The following CRACDL variants were observed in gnomAD, a reference collection of about 807,000 sequenced individuals.
CRACDL encodes CRACD-like protein.
A neutral mutation model predicts 70.6 loss-of-function variants in CRACDL; 26 were observed. The ratio of observed to expected loss-of-function variants is 0.37; its 90% confidence interval spans 0.27 to 0.51. The LOEUF is 0.51. Ranked by LOEUF, CRACDL falls within the 20% of genes least tolerant of loss-of-function variation. The probability of loss-of-function intolerance (pLI) is 0.94; values close to 1 mark genes in which losing one functional copy is unlikely to be tolerated. For synonymous variants in CRACDL, 618 were observed against 615.2 expected, an observed-to-expected ratio of 1.00 and a Z score of -0.07; for missense variants, 1,283 against 1,376.9, an observed-to-expected ratio of 0.93 and a Z score of 1.08.
chr2:98,852,151 GA>G (rs1706506678), intron 1 of CRACDL, among the ~76,000 whole-genome samples: 1 of 152,030 alleles, frequency 6.6e-6, no homozygotes, highest in Non-Finnish European at 1.5e-5. Flanking sequence ...TCTTAGGAAG[GA>G]AAAAACTTCA....
At chr2:98,874,728 A>G (rs1462026853) in intron 1 of CRACDL, among the ~76,000 whole-genome samples, 1 of 152,202 alleles carries the variant, frequency 6.6e-6, no homozygotes, top group Non-Finnish European at 1.5e-5. Flanking sequence ...CCAGCCCAGT[A>G]TTGTCATCAT....
intron 5 of CRACDL, among the ~76,000 whole-genome samples, chr2:98,829,190 C>G (rs1705437611): frequency 6.6e-6 from 1 of 152,256 alleles, no homozygotes; most frequent in Admixed American, 6.5e-5. Flanking sequence ...GGATGCACAG[C>G]AGGACCTCCT....
intron 1 of CRACDL, among the ~76,000 whole-genome samples, chr2:98,875,091 T>C (rs185258947): frequency 4.6e-5 from 7 of 152,276 alleles, no homozygotes. Context: ...TCAAACCACA[T>C]TCGCAGGAAT....
intron 1 of CRACDL, among the ~76,000 whole-genome samples, chr2:98,894,209 TA>T (rs530477487): frequency 1.2e-3 from 187 of 152,254 alleles, no homozygotes; most frequent in Middle Eastern, 3.4e-3. Context: ...ATTTTAGGTA[TA>T]GGGGGAGGGA....
At chr2:98,804,552 T>C (rs1434035666) in intron 7 of CRACDL, among the ~76,000 whole-genome samples, 1 of 152,178 alleles carries the variant, frequency 6.6e-6, no homozygotes, top group African/African-American at 2.4e-5. Context: ...TTTTTTGTAG[T>C]CTACTCAGTG....
At chr2:98,895,853 A>T (rs923888432) in intron 1 of CRACDL, among the ~76,000 whole-genome samples, 15 of 152,148 alleles carry the variant, frequency 9.9e-5, no homozygotes, top group Non-Finnish European at 5.9e-5. Context: ...TGATTAGGTC[A>T]TGGGGCTGGG....
At chr2:98,901,496 C>G (rs1233766963) in intron 1 of CRACDL, among the ~76,000 whole-genome samples, 2 of 152,226 alleles carry the variant, frequency 1.3e-5, no homozygotes, top group Non-Finnish European at 2.9e-5. Context: ...CCCACGTGGC[C>G]TGAGGCCCTA....
At chr2:98,846,919 C>A in intron 1 of CRACDL, 109 bp from the exon 2 acceptor site, 4 of 850,766 alleles carry the variant, frequency 4.7e-6, no homozygotes. Context: ...GCACACACCC[C>A]AGCAAAGACA....
intron 1 of CRACDL, among the ~76,000 whole-genome samples, chr2:98,866,311 T>C (rs1020361728): frequency 6.6e-6 from 1 of 151,868 alleles, no homozygotes; most frequent in Non-Finnish European, 1.5e-5. Flanking sequence ...GCTAAGTAGG[T>C]AAAACTGGAA....
At chr2:98,910,117 C>G (rs987926504) in intron 1 of CRACDL, among the ~76,000 whole-genome samples, 3 of 152,120 alleles carry the variant, frequency 2.0e-5, no homozygotes, top group Non-Finnish European at 4.4e-5. Context: ...TGCAGGAAGC[C>G]GATTTCAGAG....
Position 98,822,296 on chromosome 2 carries a change from G to T in CRACDL, c.1977C>A (p.Ala659=). 2 of 1,532,472 alleles carry T rather than the reference G, an allele frequency of 1.3e-6. No individual in the cohort carries two copies. Among genetic ancestry groups the T allele is most frequent in the South Asian group, 2.4e-5 (2 of 82,178 alleles). The allele number at this position is 1,532,472 out of a possible 1,614,324, so 94.9% of individuals were successfully genotyped here. ...GGCAGGGCTCTCTCGTGCCGGGCGC[G>T]GCGGCCGCCTCCTGAGGGCTCTTGC... ...GPRKSPQEAA[A]APGTREPCPA... The change falls in exon 7 of 10, where the codon GCC becomes GCA. Residue 659 remains alanine, a synonymous_variant. Coordinates refer to ENST00000397899, the MANE Select transcript of CRACDL (RefSeq NM_207362.3). The surrounding 1 kb of genome is among the most constrained non-coding windows in gnomAD (Gnocchi z 4.9).
chr2:98,839,074 C>T (rs1055738552), intron 2 of CRACDL, among the ~76,000 whole-genome samples: 2 of 152,152 alleles, frequency 1.3e-5, no homozygotes, highest in Admixed American at 6.5e-5. Context: ...TCGTAGACTA[C>T]CAGGATGCTG....
intron 1 of CRACDL, chr2:98,897,383 T>C: frequency 1.5e-6 from 2 of 1,303,990 alleles, no homozygotes; most frequent in South Asian, 1.2e-5. Context: ...CTACCTTTTA[T>C]CTTGCACGGA....
At chr2:98,833,495 G>A (rs879065771) in intron 3 of CRACDL, among the ~76,000 whole-genome samples, 2 of 152,200 alleles carry the variant, frequency 1.3e-5, no homozygotes, top group Non-Finnish European at 2.9e-5. Flanking sequence ...TCCGTGGGTG[G>A]TTTGAAATGA....
At chr2:98,866,692 C>T (rs1383114103) in intron 1 of CRACDL, among the ~76,000 whole-genome samples, 2 of 151,294 alleles carry the variant, frequency 1.3e-5, no homozygotes, top group African/African-American at 2.4e-5. Context: ...CAGGGTTTCA[C>T]CATGTTGGCC....
At chr2:98,928,916 C>G (rs542794762) in intron 1 of CRACDL, among the ~76,000 whole-genome samples, 1 of 152,248 alleles carries the variant, frequency 6.6e-6, no homozygotes, top group East Asian at 1.9e-4. Flanking sequence ...ATTCGGTTCC[C>G]GTAGAAATGA....
chr2:98,802,150 G>A (rs747617066), intron 7 of CRACDL, among the ~76,000 whole-genome samples: 1 of 152,240 alleles, frequency 6.6e-6, no homozygotes, highest in Non-Finnish European at 1.5e-5. Context: ...AAGGGCAGGC[G>A]CCTCATCCTG....
In CRACDL at chr2:98,798,189, A is replaced by G. The variant is rs1196036595; in HGVS notation, c.2417-652T>C. 2.6e-5 allele frequency among the ~76,000 whole-genome samples: 4 copies of G among 152,152 alleles called. No individual in the cohort carries two copies. The East Asian group carries it at 5.8e-4, about 22-fold the overall frequency. Reference sequence around the variant, plus strand: ...GCAAAACCCCGTCTCTACTAAAAATACAAAAATTAGCTGGGCATGGTGGCA... The same window carrying G: ...GCAAAACCCCGTCTCTACTAAAAATGCAAAAATTAGCTGGGCATGGTGGCA... On this transcript the variant is annotated intron_variant, in intron 7 of 9. Coordinates refer to ENST00000397899, the MANE Select transcript of CRACDL (RefSeq NM_207362.3).
rs538123328 is a variant in CRACDL at position 98,925,272 on chromosome 2, G to C, written c.-11+10666C>G. 1.1e-4 allele frequency among the ~76,000 whole-genome samples: 17 copies of C among 152,322 alleles called. No homozygotes were observed. In the East Asian group the frequency reaches 3.3e-3, roughly 29 times the overall value. On this transcript the variant is annotated intron_variant, in intron 1 of 9. Coordinates refer to ENST00000397899, the MANE Select transcript of CRACDL (RefSeq NM_207362.3). ...AGCCCCAGGCCCTGTGCACACTTGGGGGGAGGAACTTGCCCAAGAGTGTTC... is the reference window on the plus strand; with the variant it reads ...AGCCCCAGGCCCTGTGCACACTTGGCGGGAGGAACTTGCCCAAGAGTGTTC...
Sources: allele counts gnomAD v4.1 joint callset (sites outside exome capture counted in the v4.1 genomes callset), GRCh38; gene constraint gnomAD v4.1.1; non-coding constraint Gnocchi (gnomAD v3.1); transcripts MANE v1.5; gene names NCBI Gene and HGNC (gene_info 2026-07-23, HGNC 2026-07-21).